The following RIN2 variants were observed in gnomAD, a reference collection of about 807,000 sequenced individuals.
RIN2 encodes the protein Ras and Rab interactor 2.
Under a neutral mutation model 78.0 loss-of-function variants are expected in RIN2, and 36 were observed. The ratio of observed to expected loss-of-function variants is 0.46; its 90% CI spans 0.35 to 0.61. The LOEUF (loss-of-function observed/expected upper bound fraction) is 0.61, where lower values mean the gene tolerates loss of function less well. RIN2 is among the 20% of genes least tolerant of loss of function. The pLI is 0.00. For missense variants in RIN2, 1,087 were observed against 1,159.7 expected (o/e 0.94, Z 0.91); for synonymous variants, 466 against 466.8 (o/e 1.00, Z 0.02).
chr20:19,844,590 GCTGCTT>G (rs1465977834), intron 2 of RIN2, among the ~76,000 whole-genome samples: 7 of 84,868 alleles, frequency 8.2e-5, no homozygotes, highest in East Asian at 4.4e-4. Context: ...TGCTGCTGCT[GCTGCTT>G]CTTCCTCTTC....
At chr20:19,927,336 C>T (rs1365934435) in intron 3 of RIN2, among the ~76,000 whole-genome samples, 1 of 152,228 alleles carries the variant, frequency 6.6e-6, no homozygotes, top group Non-Finnish European at 1.5e-5. Context: ...CAGCCTTGAA[C>T]TCCTGGGCTC....
intron 4 of RIN2, among the ~76,000 whole-genome samples, chr20:19,953,229 C>T (rs2041396776): frequency 1.3e-5 from 2 of 152,070 alleles, no homozygotes; most frequent in African/African-American, 4.8e-5. Context: ...ACCTCCACCT[C>T]CCATGTTCAA....
Position 19,940,515 on chromosome 20 carries a change from A to G in RIN2, c.158+5316A>G, listed in dbSNP as rs923872549. ...CATGAGCTATTTTAATCTTTGGCCA[A>G]TAGAGTAGGAGCTGATTAAATCTCC... On this transcript the variant is annotated intron_variant, in intron 4 of 12. Coordinates refer to ENST00000255006, the MANE Select transcript of RIN2 (RefSeq NM_018993.4). Among the ~76,000 whole-genome samples the G allele has an allele frequency of 5.9e-5, 9 of 152,306 alleles. No homozygotes were observed. In the South Asian group the frequency reaches 8.3e-4, roughly 14 times the overall value.
chr20:19,931,927 A>T (rs2040457727), intron 3 of RIN2, among the ~76,000 whole-genome samples: 1 of 152,180 alleles, frequency 6.6e-6, no homozygotes, highest in Non-Finnish European at 1.5e-5. Context: ...CCCACGTGCA[A>T]GTTTAGTCTC....
chr20:19,769,557 T>C (rs1164824939), intron 1 of RIN2, among the ~76,000 whole-genome samples: 1 of 152,208 alleles, frequency 6.6e-6, no homozygotes, highest in African/African-American at 2.4e-5. Flanking sequence ...GTAACAGGGT[T>C]GGATATGTAA....
At chr20:19,921,076 A>T (rs2039897891) in intron 3 of RIN2, among the ~76,000 whole-genome samples, 1 of 152,178 alleles carries the variant, frequency 6.6e-6, no homozygotes, top group Non-Finnish European at 1.5e-5. Context: ...GTGCCGCCTA[A>T]ACAGGGATGT....
intron 2 of RIN2, among the ~76,000 whole-genome samples, chr20:19,883,116 C>T (rs376119279): frequency 1.3e-5 from 2 of 152,184 alleles, no homozygotes; most frequent in African/African-American, 4.8e-5. Context: ...GAAGCCACCC[C>T]TCTTTCCCTG....
intron 1 of RIN2, among the ~76,000 whole-genome samples, chr20:19,784,452 T>A (rs1484836735): frequency 1.3e-5 from 2 of 152,196 alleles, no homozygotes; most frequent in Non-Finnish European, 2.9e-5. Context: ...GGTAAATGGA[T>A]GTTTTAGCAC....
chr20:19,929,854 CA>C (rs1339598772), intron 3 of RIN2, among the ~76,000 whole-genome samples: 5 of 152,044 alleles, frequency 3.3e-5, no homozygotes, highest in African/African-American at 9.7e-5. Flanking sequence ...AAAACAACTT[CA>C]AAAAAACACC....
Position 19,837,030 on chromosome 20 carries a change from C to T in RIN2, c.-37+37283C>T, listed in dbSNP as rs529124991. 4.1e-4 allele frequency among the ~76,000 whole-genome samples: 62 copies of T among 149,764 alleles called. 1 individual carries two copies. The highest frequency in any genetic ancestry group is 5.6e-4 in the Non-Finnish European group (38 of 67,546). On this transcript the variant is annotated intron_variant, in intron 2 of 12. Transcript: ENST00000255006. ...ATTGTATATCATGTGCAGACACCTC[C>T]CCTAAAGCTTTATCTATATAATTTC...
At chr20:19,788,526 C>T (rs180751256) in intron 1 of RIN2, among the ~76,000 whole-genome samples, 15 of 150,310 alleles carry the variant, frequency 1.0e-4, no homozygotes, top group African/African-American at 3.4e-4. Flanking sequence ...CACCTGATCC[C>T]AGTAGACAGA....
At chr20:19,866,969 G>A (rs1010097583) in intron 2 of RIN2, among the ~76,000 whole-genome samples, 33 of 151,630 alleles carry the variant, frequency 2.2e-4, no homozygotes, top group Non-Finnish European at 3.8e-4. Flanking sequence ...TTTGCTGTGC[G>A]AAAACGTTAA....
Position 20,001,063 on chromosome 20 carries a change from A to G in RIN2, c.*127A>G. 3 of 862,794 alleles carry G rather than the reference A, an allele frequency of 3.5e-6. No homozygotes were observed. Among genetic ancestry groups the G allele is most frequent in the South Asian group, 3.8e-5 (2 of 52,364 alleles). 53.4% of individuals were successfully genotyped at this position (862,794 alleles called of 1,614,324 possible). ...GACCCCTCAGTGTAGTGACTAAGCCATCCACAGGCCAACTCGGCCAAGGGC... is the reference window on the plus strand; with the variant it reads ...GACCCCTCAGTGTAGTGACTAAGCCGTCCACAGGCCAACTCGGCCAAGGGC... On this transcript the variant is annotated 3_prime_UTR_variant, in exon 13 of 13. Coordinates refer to ENST00000255006, the MANE Select transcript of RIN2 (RefSeq NM_018993.4).
At chr20:19,759,587 G>A (rs1173766365) in intron 1 of RIN2, among the ~76,000 whole-genome samples, 1 of 151,890 alleles carries the variant, frequency 6.6e-6, no homozygotes, top group African/African-American at 2.4e-5. Flanking sequence ...TTCATAGGCC[G>A]GGTGCAGTGG....
At chr20:19,956,299 A>C (rs181691257) in intron 4 of RIN2, among the ~76,000 whole-genome samples, 1 of 152,026 alleles carries the variant, frequency 6.6e-6, no homozygotes, top group Admixed American at 6.6e-5. Context: ...GAAAAAAAGA[A>C]ATGTTTTATG....
In RIN2 at chr20:19,975,820, A is replaced by G; in HGVS notation, c.1762+33A>G. 1 of 1,553,484 alleles carries G rather than the reference A, an allele frequency of 6.4e-7. No homozygotes were observed. The highest frequency in any genetic ancestry group is 1.4e-5 in the African/African-American group (1 of 73,144). ...CCCTCTTTTTTAAAATATAAAATCT[A>G]TTGTAACTCTGTCCGGGCAGTGCAA... is the stretch of plus-strand genomic sequence containing the variant. On this transcript the variant is annotated intron_variant, in intron 9 of 12. Transcript: ENST00000255006. This position sits in a 1 kb window ranked among gnomAD's most constrained non-coding sequence, Gnocchi z 4.9.
intron 3 of RIN2, among the ~76,000 whole-genome samples, chr20:19,922,348 T>G (rs2039958115): frequency 6.6e-6 from 1 of 152,106 alleles, no homozygotes; most frequent in Non-Finnish European, 1.5e-5. Flanking sequence ...AACCACCAGC[T>G]TTGGGGGATG....
intron 2 of RIN2, among the ~76,000 whole-genome samples, chr20:19,852,892 T>A (rs1053167303): frequency 7.9e-5 from 12 of 152,182 alleles, no homozygotes; most frequent in Non-Finnish European, 1.6e-4. Context: ...CTTTTTTTTT[T>A]AATTATTATA....
At chr20:19,769,486 C>T (rs2034031164) in intron 1 of RIN2, among the ~76,000 whole-genome samples, 1 of 152,204 alleles carries the variant, frequency 6.6e-6, no homozygotes, top group South Asian at 2.1e-4. Context: ...CCGTTCTGTG[C>T]CGTAGTCATC....
Sources: gnomAD v4.1 joint callset for allele counts (sites outside exome capture counted in the v4.1 genomes callset) on GRCh38, gnomAD v4.1.1 for gene constraint, Gnocchi (gnomAD v3.1) non-coding constraint, MANE v1.5 for transcripts, NCBI Gene and HGNC (gene_info 2026-07-23, HGNC 2026-07-21) for gene names.